The following GRIN2A variants were observed in gnomAD, a reference collection of about 807,000 sequenced individuals.
GRIN2A encodes the protein glutamate ionotropic receptor NMDA type subunit 2A.
A neutral mutation model predicts 113.4 loss-of-function variants in GRIN2A; 22 were observed. That is an observed-to-expected ratio of 0.19 (90% CI 0.14 to 0.28). GRIN2A has a LOEUF of 0.28. GRIN2A is among the 10% of genes least tolerant of loss of function. GRIN2A has a pLI of 1.00. For synonymous variants in GRIN2A, 827 were observed against 738.4 expected (o/e 1.12, Z -1.94); for missense variants, 1,502 against 1,887.0 (o/e 0.80, Z 3.78).
chr16:10,104,705 C>G (rs2048461744), intron 2 of GRIN2A, among the ~76,000 whole-genome samples: 1 of 152,102 alleles, frequency 6.6e-6, no homozygotes, highest in Admixed American at 6.5e-5. Context: ...GCAAAAAGTG[C>G]AAAGCATACC....
intron 2 of GRIN2A, among the ~76,000 whole-genome samples, chr16:10,039,132 C>T (rs913275578): frequency 6.6e-6 from 1 of 152,048 alleles, no homozygotes; most frequent in East Asian, 1.9e-4. Context: ...TCCCCTCCCA[C>T]CCCCCAATGT....
chr16:9,922,302 T>A (rs1445718082), intron 3 of GRIN2A, among the ~76,000 whole-genome samples: 1 of 150,282 alleles, frequency 6.7e-6, no homozygotes, highest in Non-Finnish European at 1.5e-5. Flanking sequence ...ACACCATCAA[T>A]CTGCAGATTT....
chr16:9,829,483 C>A lies in GRIN2A; in HGVS notation c.1947G>T (p.Leu649=). The A allele has an allele frequency of 6.2e-7, 1 of 1,613,990 alleles. No homozygotes were observed. Among genetic ancestry groups the A allele is most frequent in the Non-Finnish European group, 8.5e-7 (1 of 1,179,936 alleles). The change falls in exon 9 of 13, where the codon CTG becomes CTT. Residue 649 remains leucine, a synonymous_variant. Transcript: ENST00000330684. ...ATTCCTCTTGGATCATGAAGGCAGC[C>A]AGATTGGCTGTGTAGCTAGCCAGGA... ...VIFLASYTAN[L]AAFMIQEEFV... is the part of the protein sequence containing the mutation.
At chr16:10,022,508 T>A (rs1207310774) in intron 2 of GRIN2A, among the ~76,000 whole-genome samples, 1 of 152,218 alleles carries the variant, frequency 6.6e-6, no homozygotes, top group African/African-American at 2.4e-5. Context: ...TAGTTTCATT[T>A]TCCTCTACAT....
In GRIN2A at chr16:9,763,235, T is replaced by C; in HGVS notation, c.4309A>G (p.Asn1437Asp). The C allele has an allele frequency of 6.2e-7, 1 of 1,614,076 alleles. No individual in the cohort carries two copies. The highest frequency in any genetic ancestry group is 1.1e-5 in the South Asian group (1 of 91,080). ...AAAACCCTGGGGGTAGAGTACATAT[T>C]ATTCTTATTTGCAGCATAAGGCATA... ...HVMPYAANKN[N>D]MYSTPRVLNS... is the part of the protein sequence containing the mutation. The change falls in exon 13 of 13, where the codon AAT becomes GAT. Residue 1437 changes from asparagine to aspartate, a missense_variant. Physicochemically the swap from Asn to Asp is conservative, Grantham distance 23 (BLOSUM62 1). Coordinates refer to ENST00000330684, the MANE Select transcript of GRIN2A (RefSeq NM_001134407.3).
chr16:9,803,590 C>T (rs2041908298), intron 10 of GRIN2A, among the ~76,000 whole-genome samples: 1 of 152,170 alleles, frequency 6.6e-6, no homozygotes, highest in African/African-American at 2.4e-5. Flanking sequence ...AGGGGCTCAC[C>T]AATTTTATGG....
chr16:9,989,863 T>C (rs111391980), intron 2 of GRIN2A, among the ~76,000 whole-genome samples: 2,496 of 152,254 alleles, frequency 0.016, 43 homozygotes, highest in Non-Finnish European at 0.023. Flanking sequence ...AGAATGGCTA[T>C]TATTAAAGAA....
chr16:9,962,320 C>T (rs1457633449), intron 2 of GRIN2A, among the ~76,000 whole-genome samples: 1 of 152,166 alleles, frequency 6.6e-6, no homozygotes, highest in East Asian at 1.9e-4. Flanking sequence ...TCAGAGTGAA[C>T]AGGCAACCTA....
At chr16:10,012,160 C>T (rs1037246001) in intron 2 of GRIN2A, among the ~76,000 whole-genome samples, 14 of 152,108 alleles carry the variant, frequency 9.2e-5, no homozygotes, top group South Asian at 2.1e-4. Context: ...TGAGTGGGAG[C>T]GAAATGGAAA....
At chr16:9,889,524 C>T (rs1478402762) in intron 4 of GRIN2A, among the ~76,000 whole-genome samples, 4 of 151,966 alleles carry the variant, frequency 2.6e-5, no homozygotes, top group Admixed American at 6.6e-5. Flanking sequence ...TTGCTCTTTT[C>T]TAACTTCTAA....
chr16:9,832,741 G>C (rs953409441), intron 8 of GRIN2A, among the ~76,000 whole-genome samples: 1 of 152,154 alleles, frequency 6.6e-6, no homozygotes, highest in Non-Finnish European at 1.5e-5. Context: ...ATTCCACCCT[G>C]TTGGAAATCT....
intron 2 of GRIN2A, among the ~76,000 whole-genome samples, chr16:10,134,372 C>A (rs945826501): frequency 2.6e-5 from 4 of 151,248 alleles, no homozygotes; most frequent in African/African-American, 4.9e-5. Context: ...GAGTTTTAAC[C>A]GTCATTTCCT....
intron 2 of GRIN2A, chr16:10,171,494 G>C (rs1290463285): frequency 6.6e-6 from 1 of 152,182 alleles, no homozygotes; most frequent in African/African-American, 2.4e-5. Context: ...GCCACATTTA[G>C]CTTCCGTTTG....
chr16:10,049,625 C>G (rs768859313), intron 2 of GRIN2A, among the ~76,000 whole-genome samples: 1 of 152,182 alleles, frequency 6.6e-6, no homozygotes, highest in South Asian at 2.1e-4. Context: ...GTGATCCACC[C>G]GCCTTGGCCT....
chr16:9,780,530 G>A (rs1901879022), intron 11 of GRIN2A, among the ~76,000 whole-genome samples: 1 of 152,248 alleles, frequency 6.6e-6, no homozygotes, highest in Admixed American at 6.5e-5. Flanking sequence ...CCATGGTCAT[G>A]GAGGACAGAA....
intron 10 of GRIN2A, among the ~76,000 whole-genome samples, chr16:9,805,990 G>C (rs768957436): frequency 7.9e-5 from 12 of 152,086 alleles, no homozygotes; most frequent in Non-Finnish European, 1.2e-4. Flanking sequence ...TTTGATTCTG[G>C]GTTTGTGAAT....
intron 2 of GRIN2A, among the ~76,000 whole-genome samples, chr16:10,156,558 A>G (rs936663458): frequency 1.3e-5 from 2 of 152,174 alleles, no homozygotes; most frequent in Non-Finnish European, 2.9e-5. Flanking sequence ...GGCTACAGCA[A>G]GGGTATAGAA....
chr16:10,007,434 G>A (rs1596410334), intron 2 of GRIN2A, among the ~76,000 whole-genome samples: 1 of 152,170 alleles, frequency 6.6e-6, no homozygotes, highest in South Asian at 2.1e-4. Flanking sequence ...CTTCTTTTGA[G>A]AAATATCTAT....
intron 2 of GRIN2A, among the ~76,000 whole-genome samples, chr16:10,034,681 A>G (rs1292039800): frequency 2.1e-5 from 3 of 142,232 alleles, no homozygotes; most frequent in Non-Finnish European, 4.5e-5. Flanking sequence ...GGTGGAAGAA[A>G]ACTGGTCTAT....
Sources: gnomAD v4.1 joint callset for allele counts (sites outside exome capture counted in the v4.1 genomes callset) on GRCh38, gnomAD v4.1.1 for gene constraint, MANE v1.5 for transcripts, NCBI Gene and HGNC (gene_info 2026-07-23, HGNC 2026-07-21) for gene names.